DAB1: variants seen among roughly 807,000 people sequenced by gnomAD.
DAB1 encodes the protein disabled homolog 1.
In DAB1, 15 loss-of-function variants were observed where a neutral mutation model predicts 64.6. That is an observed-to-expected ratio of 0.23 (90% confidence interval 0.16 to 0.36). The LOEUF (loss-of-function observed/expected upper bound fraction) is 0.36. Among genes scored for constraint, DAB1 ranks in the 10% least tolerant of loss-of-function variants. DAB1 has a pLI of 1.00. For synonymous variants in DAB1, 235 were observed against 251.9 expected (o/e 0.93, Z 0.64); for missense variants, 596 against 706.7 (o/e 0.84, Z 1.78).
intron 6 of DAB1, among the ~76,000 whole-genome samples, chr1:57,701,854 T>C (rs192364178): frequency 3.3e-3 from 495 of 152,304 alleles, no homozygotes; most frequent in Non-Finnish European, 4.6e-3. Flanking sequence ...GGGGGTCTTA[T>C]TATTATTTCA....
intron 5 of DAB1, among the ~76,000 whole-genome samples, chr1:57,918,861 G>T (rs1644770381): frequency 6.6e-6 from 1 of 151,922 alleles, no homozygotes; most frequent in African/African-American, 2.4e-5. Context: ...CACACAAGAG[G>T]ATCTGCCCCT....
At chr1:58,119,061 A>G (rs1441609219) in intron 5 of DAB1, among the ~76,000 whole-genome samples, 2 of 152,160 alleles carry the variant, frequency 1.3e-5, no homozygotes, top group African/African-American at 4.8e-5. Context: ...TGTGCAGTAG[A>G]TGTTTGCAAA....
chr1:57,375,766 A>G (rs1370745928), intron 1 of DAB1, among the ~76,000 whole-genome samples: 1 of 152,160 alleles, frequency 6.6e-6, no homozygotes, highest in Admixed American at 6.5e-5. Flanking sequence ...GTCTATTTGG[A>G]TGTAAGAGCA....
chr1:57,507,042 G>T (rs1297967242), intron 7 of DAB1, among the ~76,000 whole-genome samples: 4 of 152,006 alleles, frequency 2.6e-5, no homozygotes, highest in South Asian at 4.2e-4. Flanking sequence ...CCTTCCACTG[G>T]TTTAATTTCC....
At chr1:58,443,322 T>C (rs1645033038) in intron 3 of DAB1, among the ~76,000 whole-genome samples, 2 of 152,240 alleles carry the variant, frequency 1.3e-5, no homozygotes, top group African/African-American at 4.8e-5. Flanking sequence ...ATCTCCTAAA[T>C]AGTTAATGTA....
rs780353926 is a variant in DAB1 at position 57,145,379 on chromosome 1, C to T, written c.118G>A (p.Val40Ile). The change falls in exon 3 of 15, where the codon GTC becomes ATC. Residue 40 changes from valine to isoleucine, a missense_variant. Physicochemically the swap from Val to Ile is conservative, Grantham distance 29 (BLOSUM62 3). Transcript: ENST00000371236. ...CCGATCAATTTGGCTTTGTACCGGA[C>T]CCCTTCACCTTTAAACCTCTTTATC... The part of the protein sequence containing the change: ...TLIKRFKGEG[V>I]RYKAKLIGID... 3 of 1,614,038 alleles carry T rather than the reference C, an allele frequency of 1.9e-6. No individual in the cohort carries two copies. The South Asian group carries it at 3.3e-5, about 18-fold the overall frequency.
intron 1 of DAB1, among the ~76,000 whole-genome samples, chr1:57,842,571 G>T (rs1362936397): frequency 6.6e-6 from 1 of 152,144 alleles, no homozygotes; most frequent in Non-Finnish European, 1.5e-5. Context: ...GAATGGCTGG[G>T]GAGGCCTCAG....
At chr1:57,238,408 G>C (rs1025912281) in intron 2 of DAB1, among the ~76,000 whole-genome samples, 3 of 152,228 alleles carry the variant, frequency 2.0e-5, no homozygotes, top group Non-Finnish European at 4.4e-5. Flanking sequence ...AAGAACTTAT[G>C]AGGTCATCCA....
intron 7 of DAB1, among the ~76,000 whole-genome samples, chr1:57,567,704 G>T (rs551605779): frequency 6.6e-6 from 1 of 152,184 alleles, no homozygotes; most frequent in African/African-American, 2.4e-5. Flanking sequence ...AAACACCAAG[G>T]AATCCAACTT....
At chr1:57,161,442 T>C (rs1229911641) in intron 2 of DAB1, among the ~76,000 whole-genome samples, 1 of 152,098 alleles carries the variant, frequency 6.6e-6, no homozygotes, top group Non-Finnish European at 1.5e-5. Flanking sequence ...TGATCACCCA[T>C]CCAAAGGCAG....
chr1:58,038,942 C>T (rs1204214381), intron 5 of DAB1, among the ~76,000 whole-genome samples: 1 of 152,120 alleles, frequency 6.6e-6, no homozygotes, highest in South Asian at 2.1e-4. Flanking sequence ...TATGTACGTT[C>T]GGGTCTTAAT....
At chr1:58,418,612 C>T (rs916416834) in intron 3 of DAB1, among the ~76,000 whole-genome samples, 1 of 152,074 alleles carries the variant, frequency 6.6e-6, no homozygotes, top group African/African-American at 2.4e-5. Flanking sequence ...AAATAACCAC[C>T]TACCAATACA....
rs559429376 is a variant in DAB1 at position 57,432,913 on chromosome 1, G to T, written n.626-141747C>A. Among the ~76,000 whole-genome samples, 12 of 152,172 alleles carry T rather than the reference G, an allele frequency of 7.9e-5. No individual in the cohort carries two copies. The East Asian group carries it at 2.3e-3, about 29-fold the overall frequency. ...ACAAGTTAGAAATAAATTCAGAGAGGTTAAATTATTTACCAAAATTACACA... is the reference window on the plus strand; with the variant it reads ...ACAAGTTAGAAATAAATTCAGAGAGTTTAAATTATTTACCAAAATTACACA... On this transcript the variant is annotated intron_variant and non_coding_transcript_variant, in intron 7 of 20. Transcript: ENST00000485760.
chr1:57,969,732 A>C (rs1015397825), intron 5 of DAB1, among the ~76,000 whole-genome samples: 1 of 152,190 alleles, frequency 6.6e-6, no homozygotes, highest in African/African-American at 2.4e-5. Flanking sequence ...CAATCAAATC[A>C]ACAATCATCA....
chr1:57,023,503 G>A (rs1207789170), intron 11 of DAB1, 28 bp downstream of exon 11: 2 of 1,347,404 alleles, frequency 1.5e-6, no homozygotes, highest in Non-Finnish European at 1.1e-6. Context: ...AAGGCCAAAG[G>A]AAGGGAAGCT....
At chr1:57,028,159 G>A (rs952703) in intron 9 of DAB1, among the ~76,000 whole-genome samples, 52,216 of 151,970 alleles carry the variant, frequency 0.34, 9,620 homozygotes, top group Middle Eastern at 0.46. Flanking sequence ...TGTTGTGGGA[G>A]GGACACACGG....
chr1:57,022,254 C>T lies in DAB1; in HGVS notation c.895+1277G>A, dbSNP rs113485029. Among the ~76,000 whole-genome samples the T allele has an allele frequency of 4.9e-3, 745 of 152,196 alleles. 11 individuals carry two copies. Among genetic ancestry groups the T allele is most frequent in the African/African-American group, 0.017 (688 of 41,512 alleles). ...CAATGAGGACAAAGCATGGGCACTC[C>T]GAACACAAGACTCAAGCATAGAAGG... On this transcript the variant is annotated intron_variant, in intron 11 of 14. Transcript: ENST00000371236.
chr1:57,984,184 A>AAAAG (rs557402048), intron 5 of DAB1, among the ~76,000 whole-genome samples: 2,497 of 50,206 alleles, frequency 0.05, 120 homozygotes, highest in African/African-American at 0.057. Context: ...TAGCTTAAAA[A>AAAAG]AAAGAAAGAA....
At chr1:57,844,653 C>T (rs991506701) in intron 1 of DAB1, among the ~76,000 whole-genome samples, 11 of 152,136 alleles carry the variant, frequency 7.2e-5, no homozygotes, top group African/African-American at 1.4e-4. Flanking sequence ...CTAAGTTCTA[C>T]GGACAGCTTC....
Sources: gnomAD v4.1 joint callset for allele counts (sites outside exome capture counted in the v4.1 genomes callset) on GRCh38, gnomAD v4.1.1 for gene constraint, MANE v1.5 for transcripts, NCBI Gene and HGNC (gene_info 2026-07-23, HGNC 2026-07-21) for gene names.